The following PBX1 variants were observed in gnomAD, a reference collection of about 807,000 sequenced individuals.
PBX1 encodes PBX homeobox 1, also known as pre-B-cell leukemia transcription factor 1.
PBX1 carries 6 observed loss-of-function variants against 53.4 expected under a neutral mutation model. The observed-to-expected ratio is 0.11, with a 90% CI of 0.06 to 0.22. The LOEUF (loss-of-function observed/expected upper bound fraction) is 0.22, where lower values mean the gene tolerates loss of function less well. Among genes scored for constraint, PBX1 ranks in the 10% least tolerant of loss-of-function variants. The pLI is 1.00. For synonymous variants in PBX1, 204 were observed against 212.3 expected, an observed-to-expected ratio of 0.96 and a Z score of 0.34; for missense variants, 251 against 551.4, an observed-to-expected ratio of 0.46 and a Z score of 5.46.
At chr1:164,652,546 A>G (rs896237288) in intron 2 of PBX1, among the ~76,000 whole-genome samples, 2 of 152,206 alleles carry the variant, frequency 1.3e-5, no homozygotes, top group Admixed American at 1.3e-4. Context: ...TCAAGGTAAT[A>G]GAACTAGAAG....
At chr1:164,584,061 G>A (rs1654798090) in intron 2 of PBX1, among the ~76,000 whole-genome samples, 1 of 152,178 alleles carries the variant, frequency 6.6e-6, no homozygotes, top group Non-Finnish European at 1.5e-5. Flanking sequence ...GTCTAGACCA[G>A]TGCCTGGTAT....
In PBX1 at chr1:164,837,911, C is replaced by T. The variant is rs550174039; in HGVS notation, c.1201-8673C>T. 7.2e-4 allele frequency among the ~76,000 whole-genome samples: 110 copies of T among 152,298 alleles called. 1 individual carries two copies. The highest frequency in any genetic ancestry group is 1.9e-3 in the South Asian group (9 of 4,830). On this transcript the variant is annotated intron_variant, in intron 8 of 8. Transcript: ENST00000420696. ...CTATGTGAGTTATGGAGAGGCTCAGCTAAAACCACCCCGTGTCTCAGATCC... is the reference window on the plus strand; with the variant it reads ...CTATGTGAGTTATGGAGAGGCTCAGTTAAAACCACCCCGTGTCTCAGATCC...
At chr1:164,774,855 G>C (rs557177990) in intron 2 of PBX1, among the ~76,000 whole-genome samples, 2 of 152,294 alleles carry the variant, frequency 1.3e-5, no homozygotes, top group Admixed American at 6.5e-5. Context: ...CCATGGCCCA[G>C]CAGGAATATA....
chr1:164,741,487 G>A (rs919684550), intron 2 of PBX1, among the ~76,000 whole-genome samples: 5 of 152,314 alleles, frequency 3.3e-5, no homozygotes, highest in Admixed American at 3.3e-4. Context: ...AGGTCATATG[G>A]TCTTTTGGCC....
chr1:164,769,298 C>T (rs936223965), intron 2 of PBX1: 19 of 152,242 alleles, frequency 1.2e-4, no homozygotes, highest in Middle Eastern at 6.8e-3. Context: ...CTGGCCCCTA[C>T]AAAGGTGAGC....
At chr1:164,654,184 T>TTG (rs1199024536) in intron 2 of PBX1, among the ~76,000 whole-genome samples, 4 of 152,118 alleles carry the variant, frequency 2.6e-5, no homozygotes, top group Admixed American at 2.0e-4. Context: ...ATGAAAAACT[T>TTG]TGTCACTCCA....
intron 2 of PBX1, among the ~76,000 whole-genome samples, chr1:164,736,472 C>T (rs990949340): frequency 6.6e-6 from 1 of 151,702 alleles, no homozygotes; most frequent in Non-Finnish European, 1.5e-5. Context: ...ATTCCACGCT[C>T]TCTCGTCTCA....
chr1:164,732,404 T>C (rs531690348), intron 2 of PBX1, among the ~76,000 whole-genome samples: 16 of 152,162 alleles, frequency 1.1e-4, no homozygotes, highest in Non-Finnish European at 2.4e-4. Context: ...AATTAGTGAC[T>C]GTAGGACTAT....
chr1:164,715,111 C>T (rs1180441159), intron 2 of PBX1, among the ~76,000 whole-genome samples: 2 of 151,970 alleles, frequency 1.3e-5, no homozygotes, highest in Admixed American at 6.6e-5. Context: ...ACACACAGAG[C>T]TGCTCAATAA....
At chr1:164,764,034 C>T (rs886524461) in intron 2 of PBX1, among the ~76,000 whole-genome samples, 1 of 152,094 alleles carries the variant, frequency 6.6e-6, no homozygotes, top group Non-Finnish European at 1.5e-5. Context: ...ACCTAAATGC[C>T]GTATATGACC....
rs899734511 is a variant in PBX1, at chr1:164,847,691, T to G, written c.*1015T>G. On this transcript the variant is annotated 3_prime_UTR_variant, in exon 9 of 9. Transcript: ENST00000420696. ...CACTTTCCCGAGATGCCATATACAA[T>G]TACCTACATTAATAACTGTAGCACT... is the stretch of plus-strand genomic sequence containing the variant. The G allele has an allele frequency of 8.5e-6, 9 of 1,056,244 alleles. No individual in the cohort carries two copies. Among genetic ancestry groups the G allele is most frequent in the Non-Finnish European group, 9.2e-6 (8 of 873,720 alleles). The allele number at this position is 1,056,244 out of a possible 1,614,324, so 65.4% of individuals were successfully genotyped here. A position where few individuals can be genotyped will look rare whatever the true frequency, so the allele number is the denominator to read the frequency against.
chr1:164,859,433 T>C (rs1446804342), intron 2 of PBX1, among the ~76,000 whole-genome samples: 2 of 152,214 alleles, frequency 1.3e-5, no homozygotes, highest in African/African-American at 4.8e-5. Flanking sequence ...CCAAGTTTAT[T>C]CCAGTCAAAT....
chr1:164,835,204 T>C (rs565665731), intron 8 of PBX1, among the ~76,000 whole-genome samples: 8 of 151,924 alleles, frequency 5.3e-5, no homozygotes, highest in Non-Finnish European at 1.0e-4. Flanking sequence ...TTAATCAATT[T>C]ATACTATAGA....
At chr1:164,654,118 T>C (rs1660006403) in intron 2 of PBX1, among the ~76,000 whole-genome samples, 1 of 152,118 alleles carries the variant, frequency 6.6e-6, no homozygotes, top group South Asian at 2.1e-4. Context: ...GTAAACACAG[T>C]GCATTGGGGG....
At chr1:164,854,074 T>G (rs1167017686), downstream of PBX1, among the ~76,000 whole-genome samples, 1 of 151,946 alleles carries the variant, frequency 6.6e-6, no homozygotes, top group Admixed American at 6.6e-5. Flanking sequence ...CCCAAATAAT[T>G]TTTGTAATTA....
At chr1:164,861,217 A>T (rs575974682) in intron 2 of PBX1, among the ~76,000 whole-genome samples, 1 of 152,102 alleles carries the variant, frequency 6.6e-6, no homozygotes. Flanking sequence ...TAGAAGTCAA[A>T]AAAGGGGCAC....
intron 7 of PBX1, among the ~76,000 whole-genome samples, chr1:164,820,705 G>A (rs965078955): frequency 3.3e-5 from 5 of 152,166 alleles, no homozygotes; most frequent in African/African-American, 1.2e-4. Flanking sequence ...TGAGTTTCTG[G>A]TGATGAGTAG....
rs1671705420 is a variant in PBX1, at chr1:164,849,113, G to A, written c.*2437G>A. The A allele has an allele frequency of 1.5e-6, 2 of 1,359,176 alleles. No homozygotes were observed. The highest frequency in any genetic ancestry group is 1.8e-5 in the South Asian group (1 of 55,046). The allele number at this position is 1,359,176 out of a possible 1,614,324, so 84.2% of individuals were successfully genotyped here. The stretch of plus-strand genomic sequence containing the variant: ...GCAAGAACATGGTTGAATCACATTT[G>A]CTTGACTTAGGGCAAAGTACGAAAG... On this transcript the variant is annotated 3_prime_UTR_variant, in exon 9 of 9. Transcript: ENST00000420696.
chr1:164,572,663 C>T (rs1356961748), intron 2 of PBX1, among the ~76,000 whole-genome samples: 2 of 152,042 alleles, frequency 1.3e-5, no homozygotes, highest in Non-Finnish European at 2.9e-5. Flanking sequence ...TTGGATTTAA[C>T]AGAGCTTCAG....
Sources: allele counts gnomAD v4.1 joint callset (sites outside exome capture counted in the v4.1 genomes callset), GRCh38; gene constraint gnomAD v4.1.1; transcripts MANE v1.5; gene names NCBI Gene and HGNC (gene_info 2026-07-23, HGNC 2026-07-21).